The following CTNNAL1 variants were observed in gnomAD, a reference collection of about 807,000 sequenced individuals.
CTNNAL1 encodes catenin alpha like 1.
In CTNNAL1, 69 loss-of-function variants were observed where a neutral mutation model predicts 93.6. That is an observed-to-expected ratio of 0.74 (90% confidence interval 0.61 to 0.90). The LOEUF (loss-of-function observed/expected upper bound fraction) is 0.90. CTNNAL1 is among the 40% of genes least tolerant of loss of function. CTNNAL1 has a pLI of 0.00. For missense variants in CTNNAL1, 836 were observed against 862.0 expected, an observed-to-expected ratio of 0.97 and a Z score of 0.38; for synonymous variants, 286 against 305.4, an observed-to-expected ratio of 0.94 and a Z score of 0.66.
chr9:108,953,464 CACAA>C (rs773165367), intron 12 of CTNNAL1, among the ~76,000 whole-genome samples: 11 of 152,132 alleles, frequency 7.2e-5, no homozygotes, highest in Non-Finnish European at 7.4e-5. Flanking sequence ...CATACACACT[CACAA>C]ACACACATTG....
chr9:108,952,693 T>C (rs1025547428), intron 12 of CTNNAL1, among the ~76,000 whole-genome samples, 199 bp from the exon 13 acceptor site: 2 of 152,178 alleles, frequency 1.3e-5, no homozygotes, highest in Non-Finnish European at 2.9e-5. Flanking sequence ...TAGTTTGAAA[T>C]CTGGAGCCAG....
chr9:109,010,005 T>C (rs1382360818), intron 1 of CTNNAL1, among the ~76,000 whole-genome samples: 1 of 152,160 alleles, frequency 6.6e-6, no homozygotes, highest in African/African-American at 2.4e-5. Context: ...ACTGGATTTT[T>C]TTAATAATTA....
chr9:108,991,525 T>C (rs973713185), intron 3 of CTNNAL1, among the ~76,000 whole-genome samples: 3 of 151,484 alleles, frequency 2.0e-5, no homozygotes, highest in African/African-American at 7.2e-5. Context: ...ATTGTTTTAG[T>C]CGCAACAAGA....
chr9:108,949,990 C>G (rs578003654), intron 14 of CTNNAL1, among the ~76,000 whole-genome samples: 5 of 149,072 alleles, frequency 3.4e-5, no homozygotes, highest in Non-Finnish European at 7.4e-5. Flanking sequence ...TGCCACTGCA[C>G]TCCAGCCTGG....
rs1827182472 is a variant in CTNNAL1, at chr9:109,010,804, C to T, written c.141+2498G>A. Among the ~76,000 whole-genome samples the T allele has an allele frequency of 3.3e-5, 5 of 152,232 alleles. No homozygotes were observed. The South Asian group carries it at 1.0e-3, about 32-fold the overall frequency. On this transcript the variant is annotated intron_variant, in intron 1 of 18. Transcript: ENST00000325551. ...AGAATAGAAACTGTCTACTTTAAACCGTATAGTGCCAGTCCTACTTGTTTA... is the reference window on the plus strand; with the variant it reads ...AGAATAGAAACTGTCTACTTTAAACTGTATAGTGCCAGTCCTACTTGTTTA...
chr9:109,000,681 T>C (rs1339697345), intron 1 of CTNNAL1, among the ~76,000 whole-genome samples: 1 of 149,982 alleles, frequency 6.7e-6, no homozygotes, highest in African/African-American at 2.5e-5. Context: ...TAAAGAGCAT[T>C]CTAGGAGAAG....
At chr9:108,953,767 T>C (rs1226880236) in intron 12 of CTNNAL1, among the ~76,000 whole-genome samples, 1 of 151,998 alleles carries the variant, frequency 6.6e-6, no homozygotes, top group African/African-American at 2.4e-5. Flanking sequence ...ACAGGTGAAG[T>C]TGAAGGACAG....
intron 8 of CTNNAL1, among the ~76,000 whole-genome samples, chr9:108,974,274 T>A (rs1201036611): frequency 6.6e-6 from 1 of 152,242 alleles, no homozygotes; most frequent in Non-Finnish European, 1.5e-5. Context: ...CACAAGGAGA[T>A]CATCTTCTAC....
At chr9:108,995,259 T>A (rs1349245413) in intron 2 of CTNNAL1, among the ~76,000 whole-genome samples, 1 of 152,216 alleles carries the variant, frequency 6.6e-6, no homozygotes, top group African/African-American at 2.4e-5. Flanking sequence ...TCAGTTTGCA[T>A]CCTATCATTA....
chr9:108,987,555 A>C (rs533244667), intron 4 of CTNNAL1, among the ~76,000 whole-genome samples: 17 of 151,344 alleles, frequency 1.1e-4, no homozygotes, highest in Admixed American at 7.9e-4. Flanking sequence ...GTTTTTTCCA[A>C]TTCTGTGAAG....
chr9:108,942,692 A>C lies in CTNNAL1; in HGVS notation c.*77T>G, dbSNP rs1185588370. 15 of 984,728 alleles carry C rather than the reference A, an allele frequency of 1.5e-5. No individual in the cohort carries two copies. Among genetic ancestry groups the C allele is most frequent in the Non-Finnish European group, 2.3e-5 (15 of 641,580 alleles). 61.0% of individuals were successfully genotyped at this position (984,728 alleles called of 1,614,324 possible). The stretch of plus-strand genomic sequence containing the variant: ...TTTATAAAATTGATGAATTTCTGAA[A>C]AGATAAAGGATCATTTGATTTTTAA... On this transcript the variant is annotated 3_prime_UTR_variant, in exon 19 of 19. Transcript: ENST00000325551.
At chr9:108,943,939 C>T in intron 16 of CTNNAL1, 23 bp downstream of exon 16, 1 of 1,611,346 alleles carries the variant, frequency 6.2e-7, no homozygotes, top group Non-Finnish European at 8.5e-7. Flanking sequence ...ACCACCAGCT[C>T]CAGGTAGGTA....
In CTNNAL1 at chr9:108,955,873, T is replaced by C. The variant is rs1341640464; in HGVS notation, c.1592-46A>G. ...TTAAAAAATTTTTTCTATTAATATA[T>C]TTTTCTATTATTCATAGTTAACTTT... On this transcript the variant is annotated intron_variant, in intron 11 of 18. Transcript: ENST00000325551. 3 of 1,234,392 alleles carry C rather than the reference T, an allele frequency of 2.4e-6. 1 individual carries two copies. The highest frequency in any genetic ancestry group is 3.3e-6 in the Non-Finnish European group (3 of 900,316). The allele number at this position is 1,234,392 out of a possible 1,614,324, so 76.5% of individuals were successfully genotyped here.
At position 108,979,293 on chromosome 9, in the gene CTNNAL1, C is replaced by T; in HGVS notation, c.1089G>A (p.Val363=). Residue 363 remains valine, a synonymous_variant, in exon 7 of 19, where the codon GTG becomes GTA. Coordinates refer to ENST00000325551, the MANE Select transcript of CTNNAL1 (RefSeq NM_003798.4). The part of the protein sequence containing the change: ...ARMELQQLIS[V]WIQAQSKKTK... Reference sequence around the variant, plus strand: ...AAAAAGTTCTTACAGCTTGAATCCACACAGAAATTAACTGCTGCAGTTCCA... The same window carrying T: ...AAAAAGTTCTTACAGCTTGAATCCATACAGAAATTAACTGCTGCAGTTCCA... The T allele has an allele frequency of 6.2e-7, 1 of 1,614,076 alleles. No homozygotes were observed. Among genetic ancestry groups the T allele is most frequent in the African/African-American group, 1.3e-5 (1 of 75,016 alleles).
intron 3 of CTNNAL1, among the ~76,000 whole-genome samples, chr9:108,991,683 C>G (rs1831811781): frequency 6.6e-6 from 1 of 152,174 alleles, no homozygotes; most frequent in African/African-American, 2.4e-5. Context: ...TGAGAACCTC[C>G]ATCTTTCAAA....
intron 11 of CTNNAL1, among the ~76,000 whole-genome samples, chr9:108,959,092 G>A (rs1428695379): frequency 6.6e-6 from 1 of 151,810 alleles, no homozygotes. Context: ...GGGCATGGTG[G>A]CTCATGCCTG....
chr9:108,943,702 C>G lies in CTNNAL1; in HGVS notation c.2055+1G>C, dbSNP rs562577268. The G allele has an allele frequency of 6.2e-7, 1 of 1,606,366 alleles. No individual in the cohort carries two copies. Among genetic ancestry groups the G allele is most frequent in the East Asian group, 2.2e-5 (1 of 44,794 alleles). On this transcript the variant is annotated splice_donor_variant, in intron 17 of 18. Transcript: ENST00000325551. LOFTEE classifies it high-confidence loss of function. Reference sequence around the variant, plus strand: ...GAAAGTTTTTCATATGTCTCTTTTACCTTTAGAAATACTTTATTCTGCAAA... The same window carrying G: ...GAAAGTTTTTCATATGTCTCTTTTAGCTTTAGAAATACTTTATTCTGCAAA...
intron 1 of CTNNAL1, among the ~76,000 whole-genome samples, chr9:109,004,643 G>C (rs560408234): frequency 6.6e-6 from 1 of 152,028 alleles, no homozygotes; most frequent in Non-Finnish European, 1.5e-5. Flanking sequence ...AAAATTAGCC[G>C]GGCATGGTGG....
chr9:108,969,680 T>A (rs1190054431), intron 10 of CTNNAL1, among the ~76,000 whole-genome samples: 1 of 152,158 alleles, frequency 6.6e-6, no homozygotes, highest in Non-Finnish European at 1.5e-5. Context: ...AGATATAGAC[T>A]CTTGCTCTGT....
Sources: gnomAD v4.1 joint callset for allele counts (sites outside exome capture counted in the v4.1 genomes callset) on GRCh38, gnomAD v4.1.1 for gene constraint, MANE v1.5 for transcripts, NCBI Gene and HGNC (gene_info 2026-07-23, HGNC 2026-07-21) for gene names.